The following PWWP2B variants were observed in gnomAD, a reference collection of about 807,000 sequenced individuals.
The protein encoded by PWWP2B is PWWP domain-containing protein 2B.
A neutral mutation model predicts 15.5 loss-of-function variants in PWWP2B; 9 were observed. The ratio of observed to expected loss-of-function variants is 0.58; its 90% CI spans 0.35 to 1.02. The LOEUF is 1.02. PWWP2B is among the 50% of genes least tolerant of loss of function. The probability of loss-of-function intolerance (pLI) is 0.02; values close to 1 mark genes in which losing one functional copy is unlikely to be tolerated. For synonymous variants in PWWP2B, 474 were observed against 403.6 expected (o/e 1.17, Z -2.09); for missense variants, 864 against 865.3 (o/e 1.00, Z 0.02).
In PWWP2B at chr10:132,405,382, C is replaced by A; in HGVS notation, c.882C>A (p.Pro294=). The part of the protein sequence containing the change: ...QAPQDDGSQD[P]EVLDRESRDR... Reference sequence around the variant, plus strand: ...CGCAGGACGACGGCAGCCAGGACCCCGAGGTGCTGGACAGAGAGTCCCGGG... The same window carrying A: ...CGCAGGACGACGGCAGCCAGGACCCAGAGGTGCTGGACAGAGAGTCCCGGG... The change falls in exon 2 of 3, where the codon CCC becomes CCA. Residue 294 remains proline (P), a synonymous_variant. Coordinates refer to ENST00000305233, the MANE Select transcript of PWWP2B (RefSeq NM_138499.4). 1 of 1,611,158 alleles carries A rather than the reference C, an allele frequency of 6.2e-7. No individual in the cohort carries two copies. Among genetic ancestry groups the A allele is most frequent in the Non-Finnish European group, 8.5e-7 (1 of 1,179,114 alleles).
chr10:132,406,627 C>T (rs2069702919), intron 2 of PWWP2B, among the ~76,000 whole-genome samples: 1 of 152,318 alleles, frequency 6.6e-6, no homozygotes, highest in African/African-American at 2.4e-5. Flanking sequence ...TGTGGTTTGA[C>T]GGATCCTGGG....
At chr10:132,408,549 C>T (rs979554059) in intron 2 of PWWP2B, among the ~76,000 whole-genome samples, 41 of 152,286 alleles carry the variant, frequency 2.7e-4, no homozygotes, top group Admixed American at 7.8e-4. Context: ...GGAGGCCTTC[C>T]GGGGAAGGTC....
At chr10:132,403,740 T>C (rs1230521675) in intron 1 of PWWP2B, among the ~76,000 whole-genome samples, 1 of 152,250 alleles carries the variant, frequency 6.6e-6, no homozygotes, top group Non-Finnish European at 1.5e-5. Context: ...CTGGGATTGG[T>C]GTCCCGGCTG....
chr10:132,414,604 G>A lies in PWWP2B; in HGVS notation c.*17-2457G>A, dbSNP rs576957659. Among the ~76,000 whole-genome samples the A allele has an allele frequency of 5.3e-5, 8 of 152,330 alleles. No individual in the cohort carries two copies. The East Asian group carries it at 5.8e-4, about 11-fold the overall frequency. ...GCATAGGTGGAGCTGCTGCGATTCC[G>A]GGGTCGGCCTCTACCTCGCTGTCAG... On this transcript the variant is annotated intron_variant, in intron 2 of 2. Transcript: ENST00000305233.
intron 2 of PWWP2B, among the ~76,000 whole-genome samples, chr10:132,406,710 A>G (rs1254483733): frequency 6.6e-6 from 1 of 152,152 alleles, no homozygotes; most frequent in Non-Finnish European, 1.5e-5. Context: ...GCTCTTTCCA[A>G]AGATCAGAGC....
At position 132,404,778 on chromosome 10, in the gene PWWP2B, C is replaced by T. The variant is rs774569660; in HGVS notation, c.278C>T (p.Pro93Leu). The T allele has an allele frequency of 1.9e-6, 3 of 1,552,262 alleles. No individual in the cohort carries two copies. Among genetic ancestry groups the T allele is most frequent in the Non-Finnish European group, 1.7e-6 (2 of 1,143,818 alleles). The change falls in exon 2 of 3, where the codon CCC becomes CTC. Residue 93 changes from proline to leucine, a missense_variant. Coordinates refer to ENST00000305233, the MANE Select transcript of PWWP2B (RefSeq NM_138499.4). ...SSPPPARGVQ[P>L]PETTRPEPPP... is the part of the protein sequence containing the mutation. ...CCCCCTCCTGCCCGCGGGGTTCAGC[C>T]CCCCGAGACCACCCGCCCCGAGCCA... is the stretch of plus-strand genomic sequence containing the variant.
chr10:132,416,988 T>TCAGACCTTGAGGGGCTGGTCCCC lies in PWWP2B; in HGVS notation c.*17-70_*17-48dup, dbSNP rs1456221729. 2.5e-5 allele frequency: 39 copies of TCAGACCTTGAGGGGCTGGTCCCC among 1,564,940 alleles called. No individual in the cohort carries two copies. The South Asian group carries it at 4.0e-4, about 16-fold the overall frequency. On this transcript the variant is annotated intron_variant, in intron 2 of 2. Transcript: ENST00000305233. ...CCTCCGGGGCACCCTGACCTGCTGC[T>TCAGACCTTGAGGGGCTGGTCCCC]CAGACCTTGAGGGGCTGGTCCCCCA...
rs762256622 is a variant in PWWP2B, at chr10:132,405,364, C to T, written c.864C>T (p.Asp288=). Residue 288 remains aspartate, a synonymous_variant, in exon 2 of 3, where the codon GAC becomes GAT. Coordinates refer to ENST00000305233, the MANE Select transcript of PWWP2B (RefSeq NM_138499.4). ...TCCGTCCCCAGCAGGCCCCGCAGGA[C>T]GACGGCAGCCAGGACCCCGAGGTGC... is the stretch of plus-strand genomic sequence containing the variant. ...EPFRPQQAPQ[D]DGSQDPEVLD... 37 of 1,611,046 alleles carry T rather than the reference C, an allele frequency of 2.3e-5. No homozygotes were observed. Among genetic ancestry groups the T allele is most frequent in the Non-Finnish European group, 3.1e-5 (36 of 1,179,020 alleles).
intron 2 of PWWP2B, among the ~76,000 whole-genome samples, chr10:132,410,061 G>C (rs985293011): frequency 4.6e-5 from 7 of 152,172 alleles, no homozygotes; most frequent in African/African-American, 1.7e-4. Context: ...TTATTTGTCA[G>C]TTAAAAATAA....
chr10:132,400,089 G>C (rs568954644), intron 1 of PWWP2B, among the ~76,000 whole-genome samples: 77 of 152,350 alleles, frequency 5.1e-4, no homozygotes, highest in African/African-American at 1.8e-3. Flanking sequence ...GGGCTCACCT[G>C]TCCAGGTGGA....
chr10:132,404,949 G>C lies in PWWP2B; in HGVS notation c.449G>C (p.Arg150Pro), dbSNP rs1354792234. 9 of 1,592,300 alleles carry C rather than the reference G, an allele frequency of 5.7e-6. No individual in the cohort carries two copies. The highest frequency in any genetic ancestry group is 7.6e-6 in the Non-Finnish European group (9 of 1,176,774). Reference sequence around the variant, plus strand: ...CAGCCGCCGCCCAGGACCATCAAGCGCACGCGGCGGCGTCTGTCCCGCAAC... The same window carrying C: ...CAGCCGCCGCCCAGGACCATCAAGCCCACGCGGCGGCGTCTGTCCCGCAAC... ...VPQPPPRTIK[R>P]TRRRLSRNRD... The change falls in exon 2 of 3, where the codon CGC becomes CCC. Residue 150 changes from arginine to proline, a missense_variant. Physicochemically the swap from Arg to Pro is moderately radical, Grantham distance 103 (BLOSUM62 -2). Coordinates refer to ENST00000305233, the MANE Select transcript of PWWP2B (RefSeq NM_138499.4).
At chr10:132,412,170 C>T (rs1319440825) in intron 2 of PWWP2B, among the ~76,000 whole-genome samples, 1 of 152,220 alleles carries the variant, frequency 6.6e-6, no homozygotes, top group Non-Finnish European at 1.5e-5. Context: ...CTCAGGGGGT[C>T]AGATGCCTGG....
rs1399948921 is a variant in PWWP2B, at chr10:132,404,802, C to T, written c.302C>T (p.Pro101Leu). Residue 101 changes from proline to leucine, a missense_variant, in exon 2 of 3, where the codon CCA becomes CTA. Pro to Leu is a moderately conservative substitution (Grantham distance 98). Coordinates refer to ENST00000305233, the MANE Select transcript of PWWP2B (RefSeq NM_138499.4). ...VQPPETTRPE[P>L]PPPLVPPLPA... ...CCCCCCGAGACCACCCGCCCCGAGC[C>T]ACCCCCGCCCCTCGTGCCGCCGCTG... is the stretch of plus-strand genomic sequence containing the variant. 1.3e-6 allele frequency: 2 copies of T among 1,521,446 alleles called. No homozygotes were observed. Among genetic ancestry groups the T allele is most frequent in the South Asian group, 2.3e-5 (2 of 86,786 alleles). 94.2% of individuals were successfully genotyped at this position (1,521,446 alleles called of 1,614,324 possible). A position where few individuals can be genotyped will look rare whatever the true frequency, so the allele number is the denominator to read the frequency against.
chr10:132,417,137 G>T lies in PWWP2B; in HGVS notation c.*93G>T. 1.9e-6 allele frequency: 3 copies of T among 1,602,362 alleles called. No individual in the cohort carries two copies. The highest frequency in any genetic ancestry group is 2.6e-6 in the Non-Finnish European group (3 of 1,169,816). ...CGGGGACCCTGTGAGCCTTCTGGCC[G>T]GCTGCGTGCAGAGCCCACTGGGCAC... On this transcript the variant is annotated 3_prime_UTR_variant, in exon 3 of 3. Coordinates refer to ENST00000305233, the MANE Select transcript of PWWP2B (RefSeq NM_138499.4).
intron 2 of PWWP2B, among the ~76,000 whole-genome samples, chr10:132,414,241 T>C (rs2069816603): frequency 3.9e-5 from 6 of 152,232 alleles, no homozygotes; most frequent in Admixed American, 3.9e-4. Context: ...CACATGTTTC[T>C]AATGAGGATA....
chr10:132,403,372 A>T (rs1210691405), intron 1 of PWWP2B, among the ~76,000 whole-genome samples: 1 of 152,208 alleles, frequency 6.6e-6, no homozygotes, highest in Non-Finnish European at 1.5e-5. Context: ...GCGGTCTTGA[A>T]AATTGCATCT....
chr10:132,401,981 T>C (rs1269585432), intron 1 of PWWP2B, among the ~76,000 whole-genome samples: 2 of 152,316 alleles, frequency 1.3e-5, no homozygotes, highest in East Asian at 3.9e-4. Context: ...GGGTGCGGCC[T>C]GGGCAGGGCG....
rs571511730 is a variant in PWWP2B at position 132,408,100 on chromosome 10, C to CG, written c.*16+1817dup. 2.2e-4 allele frequency among the ~76,000 whole-genome samples: 33 copies of CG among 152,328 alleles called. No homozygotes were observed. In the East Asian group the frequency reaches 4.4e-3, roughly 21 times the overall value. On this transcript the variant is annotated intron_variant, in intron 2 of 2. Coordinates refer to ENST00000305233, the MANE Select transcript of PWWP2B (RefSeq NM_138499.4). ...CACCAGACGGGTTTGCCTGCCTCCA[C>CG]GGGGGGCAGTGCCTGCACACGGGGC...
intron 1 of PWWP2B, among the ~76,000 whole-genome samples, chr10:132,402,960 C>T (rs941882009): frequency 6.6e-6 from 1 of 152,230 alleles, no homozygotes; most frequent in Non-Finnish European, 1.5e-5. Context: ...GTCCTGGCGC[C>T]AGCACCTGGC....
Sources: allele counts gnomAD v4.1 joint callset (sites outside exome capture counted in the v4.1 genomes callset), GRCh38; gene constraint gnomAD v4.1.1; transcripts MANE v1.5; gene names NCBI Gene and HGNC (gene_info 2026-07-23, HGNC 2026-07-21).